The following AMOTL1 variants were observed in gnomAD, a reference collection of about 807,000 sequenced individuals.
The protein encoded by AMOTL1 is angiomotin like 1.
In AMOTL1, 45 loss-of-function variants were observed where a neutral mutation model predicts 102.9. The ratio of observed to expected loss-of-function variants is 0.44; its 90% CI spans 0.34 to 0.56. AMOTL1 has a LOEUF of 0.56. Among genes scored for constraint, AMOTL1 ranks in the 20% least tolerant of loss-of-function variants. The pLI, the probability that AMOTL1 is intolerant of heterozygous loss-of-function variation, is 0.01. For synonymous variants in AMOTL1, 481 were observed against 484.7 expected, an observed-to-expected ratio of 0.99 and a Z score of 0.10; for missense variants, 1,114 against 1,225.6, an observed-to-expected ratio of 0.91 and a Z score of 1.36.
chr11:94,768,629 C>T, intron 1 of AMOTL1, 69 bp downstream of exon 1: 2 of 1,549,236 alleles, frequency 1.3e-6, no homozygotes, highest in Admixed American at 3.9e-5. Context: ...CCCAGTCGCC[C>T]CGGGCTCCCC....
intron 1 of AMOTL1, among the ~76,000 whole-genome samples, chr11:94,719,253 T>G (rs1227506326): frequency 6.6e-6 from 1 of 152,112 alleles, no homozygotes; most frequent in African/African-American, 2.4e-5. Context: ...TCACACTGTT[T>G]TAATTACTTT....
chr11:94,732,042 A>C (rs1950362503), intron 2 of AMOTL1, among the ~76,000 whole-genome samples: 1 of 152,148 alleles, frequency 6.6e-6, no homozygotes, highest in South Asian at 2.1e-4. Flanking sequence ...GCCTTGACCC[A>C]CCTGCTTCAA....
At chr11:94,767,987 C>A (rs147930489), upstream of AMOTL1, among the ~76,000 whole-genome samples, 103 of 152,242 alleles carry the variant, frequency 6.8e-4, no homozygotes, top group East Asian at 9.3e-3. Flanking sequence ...AGAAAAAAAA[C>A]CAACCTAAGC....
intron 3 of AMOTL1, among the ~76,000 whole-genome samples, chr11:94,755,411 T>C (rs1276246264): frequency 3.9e-5 from 6 of 152,304 alleles, no homozygotes; most frequent in Middle Eastern, 3.4e-3. Context: ...GCACCATCAC[T>C]CAGCCTCTGC....
At chr11:94,760,789 C>T (rs1274699021) in intron 3 of AMOTL1, among the ~76,000 whole-genome samples, 10 of 152,172 alleles carry the variant, frequency 6.6e-5, no homozygotes, top group Admixed American at 4.6e-4. Context: ...GAGCATCTAG[C>T]AGAGTATGTG....
At chr11:94,777,010 A>G (rs1023004881) in intron 1 of AMOTL1, among the ~76,000 whole-genome samples, 1 of 152,254 alleles carries the variant, frequency 6.6e-6, no homozygotes, top group Admixed American at 6.5e-5. Flanking sequence ...CACTCAGTGC[A>G]TATCATTAAA....
chr11:94,733,097 G>A (rs1001697600), intron 2 of AMOTL1, among the ~76,000 whole-genome samples: 1 of 152,238 alleles, frequency 6.6e-6, no homozygotes, highest in Admixed American at 6.5e-5. Flanking sequence ...TGAGAAAACT[G>A]AGTCTTGCAA....
At chr11:94,813,683 C>T (rs1951720013) in intron 3 of AMOTL1, among the ~76,000 whole-genome samples, 1 of 152,182 alleles carries the variant, frequency 6.6e-6, no homozygotes, top group Non-Finnish European at 1.5e-5. Context: ...TACATGTCGT[C>T]CCATGTGTAC....
chr11:94,782,196 T>C (rs1382691742), intron 1 of AMOTL1, among the ~76,000 whole-genome samples: 1 of 152,254 alleles, frequency 6.6e-6, no homozygotes, highest in South Asian at 2.1e-4. Flanking sequence ...CTGTGGTTAT[T>C]CTGGCTTGGG....
chr11:94,717,130 C>T (rs1950110602), intron 1 of AMOTL1, among the ~76,000 whole-genome samples: 1 of 151,818 alleles, frequency 6.6e-6, no homozygotes, highest in Non-Finnish European at 1.5e-5. Flanking sequence ...TATGGTGTCT[C>T]ACATCCTGAA....
intron 2 of AMOTL1, among the ~76,000 whole-genome samples, chr11:94,738,486 G>A (rs1950468388): frequency 6.6e-6 from 1 of 152,236 alleles, no homozygotes; most frequent in Middle Eastern, 3.4e-3. Context: ...TCAAATTCAG[G>A]ACCTCAGGTG....
chr11:94,834,454 G>A (rs1037949027), intron 6 of AMOTL1, among the ~76,000 whole-genome samples: 1 of 152,162 alleles, frequency 6.6e-6, no homozygotes, highest in African/African-American at 2.4e-5. Context: ...GGGCGTGATG[G>A]TGGGCGCCTG....
At chr11:94,771,487 GGTT>G (rs1444733082) in intron 1 of AMOTL1, among the ~76,000 whole-genome samples, 3 of 152,150 alleles carry the variant, frequency 2.0e-5, no homozygotes, top group Admixed American at 6.6e-5. Flanking sequence ...AATAGTCTGA[GGTT>G]GTTGTGGTTT....
At chr11:94,776,673 G>T (rs1951028912) in intron 1 of AMOTL1, among the ~76,000 whole-genome samples, 1 of 152,244 alleles carries the variant, frequency 6.6e-6, no homozygotes, top group African/African-American at 2.4e-5. Flanking sequence ...TCAGCTGTGA[G>T]GGCTGCTCTG....
intron 1 of AMOTL1, among the ~76,000 whole-genome samples, chr11:94,769,040 G>A (rs999471319): frequency 6.6e-6 from 1 of 151,984 alleles, no homozygotes; most frequent in African/African-American, 2.4e-5. Flanking sequence ...TCTGCCCGCC[G>A]GCCAGACCCG....
At chr11:94,707,250 C>CTGTGTGTGTGTGTGTG (rs71459746) in intron 1 of AMOTL1, among the ~76,000 whole-genome samples, 8 of 71,776 alleles carry the variant, frequency 1.1e-4, no homozygotes, top group Non-Finnish European at 1.8e-4. Flanking sequence ...CTCTCTCTCT[C>CTGTGTGTGTGTGTGTG]TGTGTGTGTG....
chr11:94,716,279 C>T (rs917681553), intron 1 of AMOTL1, among the ~76,000 whole-genome samples: 2 of 152,076 alleles, frequency 1.3e-5, no homozygotes, highest in Non-Finnish European at 2.9e-5. Flanking sequence ...TTTGTTGAAA[C>T]ATTTTTATAA....
At chr11:94,809,852 G>GT (rs141881240) in intron 3 of AMOTL1, among the ~76,000 whole-genome samples, 20 of 151,764 alleles carry the variant, frequency 1.3e-4, no homozygotes, top group Admixed American at 7.2e-4. Flanking sequence ...CTCAAAGTCT[G>GT]TTTTTTTTCT....
intron 3 of AMOTL1, among the ~76,000 whole-genome samples, 153 bp from the exon 4 acceptor site, chr11:94,821,377 A>G (rs768075321): frequency 1.3e-5 from 2 of 152,196 alleles, no homozygotes; most frequent in African/African-American, 2.4e-5. Flanking sequence ...AATGGTGCCA[A>G]TTGAGATGGG....
Sources: allele counts gnomAD v4.1 joint callset (sites outside exome capture counted in the v4.1 genomes callset), GRCh38; gene constraint gnomAD v4.1.1; transcripts MANE v1.5; gene names NCBI Gene and HGNC (gene_info 2026-07-23, HGNC 2026-07-21).